CSMD1: variants seen among roughly 807,000 people sequenced by gnomAD.
CSMD1 encodes CUB and Sushi multiple domains 1, also known as CUB and sushi domain-containing protein 1.
A neutral mutation model predicts 417.5 loss-of-function variants in CSMD1; 213 were observed. That is an observed-to-expected ratio of 0.51 (90% CI 0.46 to 0.57). CSMD1 has a LOEUF of 0.57. Among genes scored for constraint, CSMD1 ranks in the 20% least tolerant of loss-of-function variants. The pLI is 0.00. For synonymous variants in CSMD1, 2,862 were observed against 1,736.8 expected (o/e 1.65, Z -16.11); for missense variants, 6,923 against 4,529.7 (o/e 1.53, Z -15.17).
intron 3 of CSMD1, among the ~76,000 whole-genome samples, chr8:4,105,302 T>C (rs570306513): frequency 6.6e-6 from 1 of 151,900 alleles, no homozygotes; most frequent in African/African-American, 2.4e-5. Flanking sequence ...CTTCATTTCA[T>C]TGCTTTAGTG....
intron 4 of CSMD1, among the ~76,000 whole-genome samples, chr8:4,017,004 T>C (rs558226545): frequency 6.6e-6 from 1 of 152,116 alleles, no homozygotes; most frequent in African/African-American, 2.4e-5. Context: ...ACAGAAATCA[T>C]AGAAGACTTT....
At chr8:4,211,170 T>C (rs1407912897) in intron 3 of CSMD1, among the ~76,000 whole-genome samples, 1 of 152,040 alleles carries the variant, frequency 6.6e-6, no homozygotes. Flanking sequence ...AGGAAAAACA[T>C]CCTTGTACAT....
At chr8:4,111,083 C>A (rs1047120590) in intron 3 of CSMD1, among the ~76,000 whole-genome samples, 1 of 152,134 alleles carries the variant, frequency 6.6e-6, no homozygotes, top group African/African-American at 2.4e-5. Flanking sequence ...TGGTAGAAAT[C>A]TAGTATCTTT....
intron 7 of CSMD1, among the ~76,000 whole-genome samples, chr8:3,628,050 A>G (rs1180749258): frequency 6.6e-6 from 1 of 152,232 alleles, no homozygotes; most frequent in Admixed American, 6.5e-5. Flanking sequence ...AAAGCAGATT[A>G]AAAAACAGAA....
At chr8:3,967,406 C>G (rs1240032670) in intron 5 of CSMD1, among the ~76,000 whole-genome samples, 1 of 151,938 alleles carries the variant, frequency 6.6e-6, no homozygotes, top group Non-Finnish European at 1.5e-5. Context: ...TGTCATTCAA[C>G]CTGTATCACC....
At chr8:3,718,061 G>C (rs574186802) in intron 6 of CSMD1, among the ~76,000 whole-genome samples, 52 of 152,282 alleles carry the variant, frequency 3.4e-4, no homozygotes, top group African/African-American at 9.9e-4. Flanking sequence ...AAAATGTTCA[G>C]TAATTTGGTG....
chr8:3,688,692 G>C (rs1473400414), intron 7 of CSMD1, among the ~76,000 whole-genome samples: 1 of 152,064 alleles, frequency 6.6e-6, no homozygotes, highest in East Asian at 1.9e-4. Flanking sequence ...ATTTCTGTAG[G>C]GCACTCTGAA....
intron 1 of CSMD1, among the ~76,000 whole-genome samples, chr8:4,797,681 C>T (rs541977632): frequency 1.8e-4 from 28 of 152,222 alleles, no homozygotes; most frequent in African/African-American, 6.3e-4. Context: ...AATAGGAATG[C>T]TTTCCTTAAG....
intron 8 of CSMD1, among the ~76,000 whole-genome samples, chr8:3,605,578 A>G (rs1245948424): frequency 1.3e-5 from 2 of 152,222 alleles, no homozygotes; most frequent in Non-Finnish European, 2.9e-5. Context: ...CTTATTATGT[A>G]ATTTTTTTCC....
At chr8:3,793,527 G>C (rs549443595) in intron 5 of CSMD1, among the ~76,000 whole-genome samples, 3 of 148,812 alleles carry the variant, frequency 2.0e-5, no homozygotes. Context: ...CTCTGGATTC[G>C]ATCTCTGGGC....
At chr8:4,819,866 T>G (rs944438089) in intron 1 of CSMD1, among the ~76,000 whole-genome samples, 1 of 151,958 alleles carries the variant, frequency 6.6e-6, no homozygotes, top group Non-Finnish European at 1.5e-5. Flanking sequence ...AACCCTTCTC[T>G]AAGGGAAGAA....
chr8:4,603,487 A>C lies in CSMD1; in HGVS notation c.302+33855T>G, dbSNP rs1329768959. Among the ~76,000 whole-genome samples the C allele has an allele frequency of 2.0e-5, 3 of 152,282 alleles. No homozygotes were observed. The South Asian group carries it at 6.2e-4, about 32-fold the overall frequency. On this transcript the variant is annotated intron_variant, in intron 2 of 69. Coordinates refer to ENST00000635120, the MANE Select transcript of CSMD1 (RefSeq NM_033225.6). ...CCTAACAAATGTTCCATAAATAATAAAGGTAAGTATTAATCCTATTTAAAA... is the reference window on the plus strand; with the variant it reads ...CCTAACAAATGTTCCATAAATAATACAGGTAAGTATTAATCCTATTTAAAA...
intron 2 of CSMD1, among the ~76,000 whole-genome samples, chr8:4,470,394 T>C (rs1800458452): frequency 6.6e-6 from 1 of 152,226 alleles, no homozygotes; most frequent in African/African-American, 2.4e-5. Context: ...TTTTTATCTG[T>C]AGAATTATCA....
At chr8:3,837,568 A>G (rs1394375855) in intron 5 of CSMD1, among the ~76,000 whole-genome samples, 1 of 152,208 alleles carries the variant, frequency 6.6e-6, no homozygotes, top group Non-Finnish European at 1.5e-5. Flanking sequence ...CAATAATGAT[A>G]CTTGAAATGA....
intron 1 of CSMD1, among the ~76,000 whole-genome samples, chr8:4,690,273 C>A (rs1806684059): frequency 6.6e-6 from 1 of 152,122 alleles, no homozygotes; most frequent in Admixed American, 6.5e-5. Flanking sequence ...TGCTTTCAAT[C>A]CTGAAGAGGA....
intron 1 of CSMD1, among the ~76,000 whole-genome samples, chr8:4,719,789 G>C (rs1808930334): frequency 6.6e-6 from 1 of 151,984 alleles, no homozygotes; most frequent in African/African-American, 2.4e-5. Flanking sequence ...ATTTCCCTTT[G>C]AGAGCTTGAA....
chr8:3,433,691 C>G (rs1814373165), intron 12 of CSMD1, among the ~76,000 whole-genome samples: 1 of 152,190 alleles, frequency 6.6e-6, no homozygotes, highest in Non-Finnish European at 1.5e-5. Context: ...TGGAAAGTGA[C>G]AGAATGCCTG....
intron 3 of CSMD1, among the ~76,000 whole-genome samples, chr8:4,275,442 T>C (rs763495247): frequency 4.6e-5 from 7 of 152,230 alleles, no homozygotes; most frequent in Non-Finnish European, 1.0e-4. Flanking sequence ...CATGATACTA[T>C]GGCCTTTATT....
At chr8:3,651,383 A>G (rs988496200) in intron 7 of CSMD1, among the ~76,000 whole-genome samples, 1 of 151,990 alleles carries the variant, frequency 6.6e-6, no homozygotes, top group Non-Finnish European at 1.5e-5. Flanking sequence ...CTCTTCATTC[A>G]CAATATGGAA....
Sources: gnomAD v4.1 joint callset for allele counts (sites outside exome capture counted in the v4.1 genomes callset) on GRCh38, gnomAD v4.1.1 for gene constraint, MANE v1.5 for transcripts, NCBI Gene and HGNC (gene_info 2026-07-23, HGNC 2026-07-21) for gene names.